MTCH1: variants seen among roughly 807,000 people sequenced by gnomAD.
MTCH1 encodes the protein mitochondrial carrier 1.
A neutral mutation model predicts 49.3 loss-of-function variants in MTCH1; 23 were observed. That is an observed-to-expected ratio of 0.47 (90% confidence interval 0.34 to 0.66). MTCH1 has a LOEUF of 0.66. MTCH1 is among the 30% of genes least tolerant of loss of function. MTCH1 has a pLI of 0.01. For missense variants in MTCH1, 397 were observed against 532.1 expected, an observed-to-expected ratio of 0.75 and a Z score of 2.50; for synonymous variants, 229 against 215.2, an observed-to-expected ratio of 1.06 and a Z score of -0.56.
chr6:36,969,536 A>G lies in MTCH1; in HGVS notation c.1098+503T>C, dbSNP rs1763596264. ...GGTAGCTTCGGTACAGAACACGAGA[A>G]CCCAAGGTTGGTACTGCTGCCAGTT... is the stretch of plus-strand genomic sequence containing the variant. On this transcript the variant is annotated intron_variant, in intron 11 of 11. Transcript: ENST00000373627. The G allele has an allele frequency of 7.1e-6, 8 of 1,133,584 alleles. No homozygotes were observed. In the South Asian group the frequency reaches 1.6e-4, roughly 23 times the overall value. 70.2% of individuals were successfully genotyped at this position (1,133,584 alleles called of 1,614,324 possible).
rs77808535 is a variant in MTCH1 at position 36,977,872 on chromosome 6, C to T, written c.592-181G>A. ...CCAGTCCCCCACCCAGGAGTGCTGTCGGGTCCCAGGCTAGGCCCAACAATG... is the reference window on the plus strand; with the variant it reads ...CCAGTCCCCCACCCAGGAGTGCTGTTGGGTCCCAGGCTAGGCCCAACAATG... On this transcript the variant is annotated intron_variant, in intron 4 of 11. Coordinates refer to ENST00000373627, the MANE Select transcript of MTCH1 (RefSeq NM_001271641.2). This position sits in a 1 kb window ranked among gnomAD's most constrained non-coding sequence, Gnocchi z 5.4. Among the ~76,000 whole-genome samples the T allele has an allele frequency of 0.014, 2,195 of 152,278 alleles. 51 individuals are homozygous for T. The highest frequency in any genetic ancestry group is 0.05 in the African/African-American group (2,057 of 41,552).
At position 36,970,435 on chromosome 6, in the gene MTCH1, A is replaced by G. The variant is rs933323295; in HGVS notation, c.993T>C (p.Val331=). Residue 331 remains valine (V), a synonymous_variant, in exon 10 of 12, where the codon GTT becomes GTC. Transcript: ENST00000373627. ...AGTTGTTCACAGCCATGAGGTCGCCAACTAGCAGGAAGGGGTAGGTCAGCA... is the reference window on the plus strand; with the variant it reads ...AGTTGTTCACAGCCATGAGGTCGCCGACTAGCAGGAAGGGGTAGGTCAGCA... The part of the protein sequence containing the change: ...VSMLTYPFLL[V]GDLMAVNNCG... 30 of 1,614,036 alleles carry G rather than the reference A, an allele frequency of 1.9e-5. No individual in the cohort carries two copies. The highest frequency in any genetic ancestry group is 2.5e-5 in the Non-Finnish European group (29 of 1,180,038).
chr6:36,978,370 T>G, intron 3 of MTCH1, 135 bp downstream of exon 3: 3 of 933,098 alleles, frequency 3.2e-6, no homozygotes, highest in Non-Finnish European at 4.9e-6. Context: ...GGGTGGGAGC[T>G]CCCCCATGGG....
chr6:36,978,562 C>T lies in MTCH1; in HGVS notation c.456G>A (p.Leu152=). 1 of 1,614,194 alleles carries T rather than the reference C, an allele frequency of 6.2e-7. No homozygotes were observed. The highest frequency in any genetic ancestry group is 2.2e-5 in the East Asian group (1 of 44,896). ...VDGKIGLFRG[L]SPRLMSNALS... ...GGGCGTTGGACATCAGCCGGGGACT[C>T]AGGCCTCGGAACAGCCCTATCTTAC... The change falls in exon 3 of 12, where the codon CTG becomes CTA. Residue 152 remains leucine, a synonymous_variant. Transcript: ENST00000373627.
rs571982803 is a variant in MTCH1, at chr6:36,972,163, C to T, written c.906+489G>A. ...TCCAGCTGAGTGACTCTGGAGAGCC[C>T]AGAGCCTCTCCAGAATTTGTGATCT... On this transcript the variant is annotated intron_variant, in intron 8 of 11. Transcript: ENST00000373627. The surrounding 1 kb of genome is among the most constrained non-coding windows in gnomAD (Gnocchi z 4.1). Among the ~76,000 whole-genome samples the T allele has an allele frequency of 6.6e-6, 1 of 152,156 alleles. No homozygotes were observed. The highest frequency in any genetic ancestry group is 1.5e-5 in the Non-Finnish European group (1 of 68,032).
intron 7 of MTCH1, among the ~76,000 whole-genome samples, chr6:36,974,860 T>C (rs1216689318): frequency 6.6e-6 from 1 of 152,198 alleles, no homozygotes; most frequent in Non-Finnish European, 1.5e-5. Flanking sequence ...TACTGTTGTA[T>C]ACCATGTGTC....
At chr6:36,969,149 G>T (rs1763583303) in intron 11 of MTCH1, 175 bp from the exon 12 acceptor site, 2 of 985,308 alleles carry the variant, frequency 2.0e-6, no homozygotes, top group Non-Finnish European at 2.4e-6. Flanking sequence ...TGAAGCAGAA[G>T]GGAGCGGTTC....
At chr6:36,985,720 G>GCCCCCCCCAACCCCCCCCCCCCCCCCCCC in intron 1 of MTCH1, 133 bp downstream of exon 1, 1 of 344,946 alleles carries the variant, frequency 2.9e-6, no homozygotes, top group Non-Finnish European at 5.5e-6. Context: ...CACCCACTCG[G>GCCCCCCCCAACCCCCCCCCCCCCCCCCCC]CCCCCCAAAC....
Position 36,981,630 on chromosome 6 carries a change from G to A in MTCH1, c.364C>T (p.Leu122=). The A allele has an allele frequency of 6.2e-7, 1 of 1,613,892 alleles. No individual in the cohort carries two copies. Residue 122 remains leucine, a synonymous_variant, in exon 2 of 12, where the codon CTG becomes TTG. Transcript: ENST00000373627. ...GGCAGATAGAGGACCTTCCTCCCCA[G>A]CACATTGGTCCCAAGGGTGGGGGGC... The part of the protein sequence containing the change: ...PMPPTLGTNV[L]GRKVLYLPSF...
In MTCH1 at chr6:36,977,811, G is replaced by C. The variant is rs1171680842; in HGVS notation, c.592-120C>G. The stretch of plus-strand genomic sequence containing the variant: ...TGTCCCAGGGACTGCACATGGGGTC[G>C]GTCTGCCAAGGATGGCTCCACCTGT... On this transcript the variant is annotated intron_variant, in intron 4 of 11. Transcript: ENST00000373627. This position sits in a 1 kb window ranked among gnomAD's most constrained non-coding sequence, Gnocchi z 5.4. 4.3e-6 allele frequency: 4 copies of C among 922,286 alleles called. No individual in the cohort carries two copies. Among genetic ancestry groups the C allele is most frequent in the African/African-American group, 3.3e-5 (2 of 60,610 alleles). 57.1% of individuals were successfully genotyped at this position (922,286 alleles called of 1,614,324 possible).
chr6:36,972,426 G>A lies in MTCH1; in HGVS notation c.906+226C>T, dbSNP rs1267002375. Among the ~76,000 whole-genome samples, 2 of 79,170 alleles carry A rather than the reference G, an allele frequency of 2.5e-5. No homozygotes were observed. Among genetic ancestry groups the A allele is most frequent in the East Asian group, 2.4e-4 (1 of 4,112 alleles). The allele number at this position is 79,170 out of a possible 152,430, so 51.9% of individuals were successfully genotyped here. The stretch of plus-strand genomic sequence containing the variant: ...ATAAGCTGGGGTCTGTTTCTAAGGC[G>A]CCCAGGGACAAGCATTCCATTAATT... On this transcript the variant is annotated intron_variant, in intron 8 of 11. Transcript: ENST00000373627. This position sits in a 1 kb window ranked among gnomAD's most constrained non-coding sequence, Gnocchi z 4.1.
intron 6 of MTCH1, among the ~76,000 whole-genome samples, chr6:36,976,778 C>T (rs3778024): frequency 0.13 from 19,165 of 152,186 alleles, 1,344 homozygotes; most frequent in South Asian, 0.18. Context: ...AAGGGATGAG[C>T]CCCAAGCCCA....
rs746664111 is a variant in MTCH1, at chr6:36,977,584, G to GC, written c.649+49dup. Reference sequence around the variant, plus strand: ...CACGAGGGGGCGCCCCTCACCCCACGCCCCCGACGCCAGCTTAGATACAGT... The same window carrying GC: ...CACGAGGGGGCGCCCCTCACCCCACGCCCCCCGACGCCAGCTTAGATACAGT... On this transcript the variant is annotated intron_variant, in intron 5 of 11. Transcript: ENST00000373627. The surrounding 1 kb of genome is among the most constrained non-coding windows in gnomAD (Gnocchi z 5.4). The GC allele has an allele frequency of 3.8e-5, 52 of 1,369,062 alleles. No individual in the cohort carries two copies. Among genetic ancestry groups the GC allele is most frequent in the South Asian group, 2.4e-4 (19 of 80,378 alleles). 84.8% of individuals were successfully genotyped at this position (1,369,062 alleles called of 1,614,324 possible).
In MTCH1 at chr6:36,972,988, G is replaced by GGAGGT. The variant is rs1234244510; in HGVS notation, c.762-197_762-193dup. Among the ~76,000 whole-genome samples, 1 of 152,156 alleles carries GGAGGT rather than the reference G, an allele frequency of 6.6e-6. No homozygotes were observed. Among genetic ancestry groups the GGAGGT allele is most frequent in the Non-Finnish European group, 1.5e-5 (1 of 68,038 alleles). The stretch of plus-strand genomic sequence containing the variant: ...GAAGATAGTGCTCCTTTTCCCATGG[G>GGAGGT]GAGGTGTTCTATGCCGCTTTGGATG... On this transcript the variant is annotated intron_variant, in intron 7 of 11. Transcript: ENST00000373627. The surrounding 1 kb of genome is among the most constrained non-coding windows in gnomAD (Gnocchi z 4.1).
At chr6:36,974,899 T>C (rs1210249618) in intron 7 of MTCH1, among the ~76,000 whole-genome samples, 1 of 152,238 alleles carries the variant, frequency 6.6e-6, no homozygotes, top group Non-Finnish European at 1.5e-5. Context: ...CTTATCAGCA[T>C]GTATGTCACT....
intron 1 of MTCH1, among the ~76,000 whole-genome samples, chr6:36,984,740 TCTGTA>T (rs1230942479): frequency 6.6e-6 from 1 of 152,126 alleles, no homozygotes; most frequent in Non-Finnish European, 1.5e-5. Flanking sequence ...GCACACTTCA[TCTGTA>T]CCGCATTGCT....
rs1015398669 is a variant in MTCH1, at chr6:36,981,258, G to A, written c.406+330C>T. ...CAGGACAAAAGGAAATCACCCCCAC[G>A]CATGTTCCAGGCACAACCCGGGGCA... On this transcript the variant is annotated intron_variant, in intron 2 of 11. Transcript: ENST00000373627. Among the ~76,000 whole-genome samples, 11 of 152,066 alleles carry A rather than the reference G, an allele frequency of 7.2e-5. 1 individual carries two copies. The highest frequency in any genetic ancestry group is 4.6e-4 in the Admixed American group (7 of 15,264).
upstream of MTCH1, chr6:36,986,207 G>T: frequency 7.1e-7 from 1 of 1,408,568 alleles, no homozygotes; most frequent in South Asian, 1.5e-5. Flanking sequence ...CCCGTCACGT[G>T]ACGGGGCCAC....
chr6:36,981,777 A>ATTAGAATTTGTGGGAG, intron 1 of MTCH1, 105 bp from the exon 2 acceptor site: 1 of 919,630 alleles, frequency 1.1e-6, no homozygotes, highest in Non-Finnish European at 1.6e-6. Flanking sequence ...CTTCTCCCAC[A>ATTAGAATTTGTGGGAG]AATTCTAATG....
Sources: gnomAD v4.1 joint callset for allele counts (sites outside exome capture counted in the v4.1 genomes callset) on GRCh38, gnomAD v4.1.1 for gene constraint, Gnocchi (gnomAD v3.1) non-coding constraint, MANE v1.5 for transcripts, NCBI Gene and HGNC (gene_info 2026-07-23, HGNC 2026-07-21) for gene names.